RORA: variants seen among roughly 807,000 people sequenced by gnomAD.
RORA encodes the protein RAR related orphan receptor A.
In RORA, 7 loss-of-function variants were observed where a neutral mutation model predicts 69.5. The observed-to-expected ratio is 0.10, with a 90% CI of 0.06 to 0.19. The LOEUF (loss-of-function observed/expected upper bound fraction) is 0.19, where lower values mean the gene tolerates loss of function less well. Ranked by LOEUF, RORA falls within the 10% of genes least tolerant of loss-of-function variation. The pLI, the probability that RORA is intolerant of heterozygous loss-of-function variation, is 1.00. For synonymous variants in RORA, 261 were observed against 240.8 expected, an observed-to-expected ratio of 1.08 and a Z score of -0.78; for missense variants, 457 against 663.0, an observed-to-expected ratio of 0.69 and a Z score of 3.41.
At chr15:61,165,729 C>A (rs1187268973) in intron 1 of RORA, among the ~76,000 whole-genome samples, 1 of 152,122 alleles carries the variant, frequency 6.6e-6, no homozygotes, top group Non-Finnish European at 1.5e-5. Flanking sequence ...AAACAACATC[C>A]CACTTTAAAC....
At chr15:61,138,294 C>T (rs773349597) in intron 1 of RORA, among the ~76,000 whole-genome samples, 8 of 152,028 alleles carry the variant, frequency 5.3e-5, no homozygotes, top group Non-Finnish European at 8.8e-5. Context: ...GCATGAGACA[C>T]TTTTCAAAAA....
chr15:60,862,244 A>G (rs2073441510), intron 1 of RORA, among the ~76,000 whole-genome samples: 1 of 152,252 alleles, frequency 6.6e-6, no homozygotes, highest in Admixed American at 6.5e-5. Flanking sequence ...GTTACCTCTT[A>G]CAGGTAACAG....
intron 2 of RORA, among the ~76,000 whole-genome samples, chr15:60,634,916 G>A (rs1442471487): frequency 1.3e-5 from 2 of 152,146 alleles, no homozygotes; most frequent in African/African-American, 2.4e-5. Context: ...AAGTCAACTC[G>A]TGTTCCAGGT....
At chr15:60,678,749 C>T (rs578206502) in intron 1 of RORA, 63 bp from the exon 2 acceptor site, 16 of 1,393,696 alleles carry the variant, frequency 1.1e-5, no homozygotes, top group African/African-American at 8.5e-5. Context: ...TTTGAATGTC[C>T]GTCATTCCCA....
At chr15:61,101,808 A>G (rs892633948) in intron 1 of RORA, among the ~76,000 whole-genome samples, 2 of 152,050 alleles carry the variant, frequency 1.3e-5, no homozygotes, top group African/African-American at 4.8e-5. Context: ...ACAGAGGGCC[A>G]CTGGGAGTCA....
chr15:60,590,902 A>C (rs1262645352), intron 2 of RORA, among the ~76,000 whole-genome samples: 1 of 152,212 alleles, frequency 6.6e-6, no homozygotes, highest in Non-Finnish European at 1.5e-5. Context: ...TGCTGTGGGC[A>C]CATTATATAG....
At chr15:60,980,430 T>C (rs1305481807) in intron 1 of RORA, among the ~76,000 whole-genome samples, 3 of 152,190 alleles carry the variant, frequency 2.0e-5, no homozygotes, top group Non-Finnish European at 2.9e-5. Flanking sequence ...TGCTATTTTT[T>C]TGGAAAGATT....
At chr15:60,863,771 G>A (rs756263032) in intron 1 of RORA, among the ~76,000 whole-genome samples, 27 of 151,468 alleles carry the variant, frequency 1.8e-4, no homozygotes, top group Non-Finnish European at 2.5e-4. Context: ...ATCACAAAAG[G>A]GTGGCCAGAA....
intron 1 of RORA, among the ~76,000 whole-genome samples, chr15:61,208,878 C>T (rs556276356): frequency 6.6e-6 from 1 of 152,216 alleles, no homozygotes; most frequent in Non-Finnish European, 1.5e-5. Context: ...TCCTCACAAA[C>T]AGATGTGCCT....
intron 1 of RORA, among the ~76,000 whole-genome samples, chr15:60,881,041 T>C (rs1413572604): frequency 6.6e-6 from 1 of 152,210 alleles, no homozygotes; most frequent in East Asian, 1.9e-4. Flanking sequence ...AATGCTGATC[T>C]AAACAAGGAT....
chr15:60,948,338 T>C (rs960684234), intron 1 of RORA, among the ~76,000 whole-genome samples: 1 of 152,182 alleles, frequency 6.6e-6, no homozygotes, highest in African/African-American at 2.4e-5. Flanking sequence ...CAAGGCATCA[T>C]CCATTTAGAA....
chr15:61,093,022 C>G (rs950748436), intron 1 of RORA, among the ~76,000 whole-genome samples: 1 of 152,154 alleles, frequency 6.6e-6, no homozygotes, highest in Non-Finnish European at 1.5e-5. Context: ...ACTTCCAGAT[C>G]TACTCTGCTG....
At chr15:61,115,251 A>C (rs1596001179) in intron 1 of RORA, among the ~76,000 whole-genome samples, 1 of 151,138 alleles carries the variant, frequency 6.6e-6, no homozygotes, top group African/African-American at 2.4e-5. Flanking sequence ...GAGGTGCTTC[A>C]CCATGAAGGC....
intron 2 of RORA, among the ~76,000 whole-genome samples, chr15:60,556,193 G>A (rs920843456): frequency 3.3e-5 from 5 of 152,258 alleles, no homozygotes; most frequent in Admixed American, 1.3e-4. Flanking sequence ...AGGAAAAAAC[G>A]GATCTCATCC....
intron 1 of RORA, among the ~76,000 whole-genome samples, chr15:61,006,807 C>T (rs1359161564): frequency 6.6e-6 from 1 of 152,042 alleles, no homozygotes; most frequent in Non-Finnish European, 1.5e-5. Flanking sequence ...GTTCTAACTC[C>T]CTTTGAATTA....
At chr15:60,527,850 T>C (rs1023010477) in intron 3 of RORA, among the ~76,000 whole-genome samples, 2 of 152,194 alleles carry the variant, frequency 1.3e-5, no homozygotes, top group Admixed American at 6.5e-5. Flanking sequence ...GTCCCCTAAA[T>C]ACAACCAAGA....
At chr15:61,076,811 C>T (rs2078456381) in intron 1 of RORA, among the ~76,000 whole-genome samples, 1 of 152,010 alleles carries the variant, frequency 6.6e-6, no homozygotes, top group South Asian at 2.1e-4. Flanking sequence ...CAGGCAGTTA[C>T]AGAAATGGGT....
At chr15:61,071,107 T>A (rs950476881) in intron 1 of RORA, among the ~76,000 whole-genome samples, 4 of 149,282 alleles carry the variant, frequency 2.7e-5, no homozygotes, top group African/African-American at 1.0e-4. Context: ...TGCATGCTTA[T>A]GCATATGTAG....
intron 1 of RORA, among the ~76,000 whole-genome samples, chr15:61,040,219 T>C (rs914279895): frequency 2.7e-5 from 4 of 146,378 alleles, no homozygotes; most frequent in African/African-American, 1.0e-4. Context: ...AAGTAGGCTT[T>C]ATCTTAAATA....
Sources: gnomAD v4.1 joint callset for allele counts (sites outside exome capture counted in the v4.1 genomes callset) on GRCh38, gnomAD v4.1.1 for gene constraint, MANE v1.5 for transcripts, NCBI Gene and HGNC (gene_info 2026-07-23, HGNC 2026-07-21) for gene names.